The following ADGRG5 variants were observed in gnomAD, a reference collection of about 807,000 sequenced individuals.
ADGRG5 encodes the protein adhesion G protein-coupled receptor G5.
Under a neutral mutation model 53.2 loss-of-function variants are expected in ADGRG5, and 37 were observed. The ratio of observed to expected loss-of-function variants is 0.70; its 90% CI spans 0.53 to 0.91. ADGRG5 has a LOEUF of 0.91. Among genes scored for constraint, ADGRG5 ranks in the 40% least tolerant of loss-of-function variants. ADGRG5 has a pLI of 0.00. For missense variants in ADGRG5, 614 were observed against 675.8 expected, an observed-to-expected ratio of 0.91 and a Z score of 1.01; for synonymous variants, 277 against 290.4, an observed-to-expected ratio of 0.95 and a Z score of 0.47.
intron 1 of ADGRG5, among the ~76,000 whole-genome samples, chr16:57,547,059 T>C (rs1283059144): frequency 1.3e-5 from 2 of 152,192 alleles, no homozygotes; most frequent in East Asian, 1.9e-4. Flanking sequence ...TTTTCAAGAA[T>C]GGGATTAGGT....
chr16:57,558,393 G>A (rs1363974713), intron 1 of ADGRG5, among the ~76,000 whole-genome samples: 1 of 152,216 alleles, frequency 6.6e-6, no homozygotes, highest in East Asian at 1.9e-4. Flanking sequence ...AATTTTCCCA[G>A]TGTCCCCACT....
At chr16:57,536,170 G>T in the ADGRG5 span, among the ~76,000 whole-genome samples, 1 of 152,114 alleles carries the variant, frequency 6.6e-6, no homozygotes, top group Non-Finnish European at 1.5e-5. Flanking sequence ...GACCACGTTG[G>T]GTCCCCCGGG....
At chr16:57,564,187 C>T (rs1205176789) in intron 5 of ADGRG5, among the ~76,000 whole-genome samples, 1 of 152,202 alleles carries the variant, frequency 6.6e-6, no homozygotes, top group East Asian at 1.9e-4. Context: ...TAATTACAAT[C>T]TGCAAATAAG....
In ADGRG5 at chr16:57,574,327, T is replaced by C. The variant is rs529920621; in HGVS notation, c.1209-488T>C. 2.6e-5 allele frequency among the ~76,000 whole-genome samples: 4 copies of C among 152,256 alleles called. No individual in the cohort carries two copies. The highest frequency in any genetic ancestry group is 1.9e-4 in the East Asian group (1 of 5,166). On this transcript the variant is annotated intron_variant, in intron 10 of 11. Coordinates refer to ENST00000349457, the MANE Select transcript of ADGRG5 (RefSeq NM_001304376.3). This position sits in a 1 kb window ranked among gnomAD's most constrained non-coding sequence, Gnocchi z 4.4. ...CCCGCCCACTCTCCAGCGCAGGCCT[T>C]GGTGGCCCCGTCTAGGTGGGGAGTG...
rs761981384 is a variant in ADGRG5 at position 57,574,874 on chromosome 16, C to T, written c.1268C>T (p.Thr423Met). The T allele has an allele frequency of 1.9e-5, 31 of 1,611,394 alleles. No individual in the cohort carries two copies. Among genetic ancestry groups the T allele is most frequent in the Non-Finnish European group, 2.5e-5 (29 of 1,179,306 alleles). The change falls in exon 11 of 12, where the codon ACG (threonine) becomes ATG (methionine). Residue 423 changes from threonine (T) to methionine (M), a missense_variant. Coordinates refer to ENST00000349457, the MANE Select transcript of ADGRG5 (RefSeq NM_001304376.3). This position sits in a 1 kb window ranked among gnomAD's most constrained non-coding sequence, Gnocchi z 4.4. ...CTGGTCATGGGCTACGGCGGCCTCA[C>T]GTCCCTCTTCAACCTGGTGGTGCTG... ...SVLVMGYGGLTSLFNLVVLAW... is the reference protein window; with the variant it reads ...SVLVMGYGGLMSLFNLVVLAW...
Position 57,564,620 on chromosome 16 carries a change from G to T in ADGRG5, c.430-414G>T, listed in dbSNP as rs2146802241. Reference sequence around the variant, plus strand: ...CCTGGCCTGATCTTAGAGATTTAATGTCAGCAGAAGGTTGATTATAGCCAT... The same window carrying T: ...CCTGGCCTGATCTTAGAGATTTAATTTCAGCAGAAGGTTGATTATAGCCAT... On this transcript the variant is annotated intron_variant, in intron 5 of 11. Transcript: ENST00000349457. Among the ~76,000 whole-genome samples, 4 of 152,300 alleles carry T rather than the reference G, an allele frequency of 2.6e-5. No individual in the cohort carries two copies. The Middle Eastern group carries it at 0.01, about 389-fold the overall frequency.
At chr16:57,575,395 G>A in intron 11 of ADGRG5, 43 bp from the exon 12 acceptor site, 1 of 1,577,072 alleles carries the variant, frequency 6.3e-7, no homozygotes, top group Non-Finnish European at 8.7e-7. Flanking sequence ...GGCCTTTGGG[G>A]AAGCCCATGC....
intron 1 of ADGRG5, among the ~76,000 whole-genome samples, chr16:57,557,754 A>G (rs946068561): frequency 1.3e-5 from 2 of 152,216 alleles, no homozygotes; most frequent in Non-Finnish European, 2.9e-5. Context: ...CAGTTTGCTA[A>G]TAAACCCATT....
intron 1 of ADGRG5, among the ~76,000 whole-genome samples, chr16:57,544,350 G>C (rs1405613805): frequency 6.6e-6 from 1 of 152,146 alleles, no homozygotes; most frequent in Non-Finnish European, 1.5e-5. Context: ...CTCAGCGTGT[G>C]GGGGGATGGT....
intron 7 of ADGRG5, among the ~76,000 whole-genome samples, 197 bp downstream of exon 7, chr16:57,566,948 T>C (rs1209122985): frequency 6.6e-6 from 1 of 152,216 alleles, no homozygotes; most frequent in East Asian, 1.9e-4. Context: ...CACGGGCTGA[T>C]CACTAAGATC....
At chr16:57,570,017 A>ACTCCACCTCCAT (rs1283913897) in intron 9 of ADGRG5, among the ~76,000 whole-genome samples, 3 of 77,998 alleles carry the variant, frequency 3.8e-5, no homozygotes, top group Non-Finnish European at 7.5e-5. Flanking sequence ...ATCACCACCT[A>ACTCCACCTCCAT]CTCCACCTCC....
rs1375771563 is a variant in ADGRG5 at position 57,574,403 on chromosome 16, A to G, written c.1209-412A>G. On this transcript the variant is annotated intron_variant, in intron 10 of 11. Coordinates refer to ENST00000349457, the MANE Select transcript of ADGRG5 (RefSeq NM_001304376.3). The surrounding 1 kb of genome is among the most constrained non-coding windows in gnomAD (Gnocchi z 4.4). ...CAGAGATGGTGATGAGGTGGTGACA[A>G]CCATGTAGTGGGGTGGAAGGGGAAG... Among the ~76,000 whole-genome samples, 1 of 152,240 alleles carries G rather than the reference A, an allele frequency of 6.6e-6. No individual in the cohort carries two copies.
chr16:57,562,193 C>T, intron 2 of ADGRG5, 36 bp downstream of exon 2: 1 of 1,565,394 alleles, frequency 6.4e-7, no homozygotes. Flanking sequence ...GCAGCCCTAG[C>T]CCAGTCGTGG....
the ADGRG5 span, chr16:57,529,168 C>G: frequency 8.5e-7 from 1 of 1,183,416 alleles, no homozygotes; most frequent in Non-Finnish European, 1.0e-6. This position sits in a 1 kb window ranked among gnomAD's most constrained non-coding sequence, Gnocchi z 4.1. Context: ...GGGCTGGGCC[C>G]GTGGCTCATG....
intron 10 of ADGRG5, among the ~76,000 whole-genome samples, chr16:57,571,397 G>C (rs901003503): frequency 6.6e-5 from 10 of 152,120 alleles, no homozygotes; most frequent in Middle Eastern, 6.8e-3. Context: ...CTTGGTCTCC[G>C]GCAGGCTGGT....
chr16:57,548,620 C>G (rs2146758831), intron 1 of ADGRG5, among the ~76,000 whole-genome samples: 1 of 152,200 alleles, frequency 6.6e-6, no homozygotes, highest in African/African-American at 2.4e-5. Context: ...CCCTCCCTAA[C>G]CCTTTGCAAC....
chr16:57,563,787 G>C, intron 4 of ADGRG5, 61 bp from the exon 5 acceptor site: 2 of 1,606,240 alleles, frequency 1.2e-6, no homozygotes, highest in Non-Finnish European at 1.7e-6. Context: ...AGGCAGTGAA[G>C]GTGTTGGGGT....
At chr16:57,571,188 C>A (rs139761603) in intron 10 of ADGRG5, among the ~76,000 whole-genome samples, 27 of 152,324 alleles carry the variant, frequency 1.8e-4, no homozygotes, top group Admixed American at 1.2e-3. Context: ...GGCTGTGGAA[C>A]CTTTTTCCTT....
chr16:57,550,804 C>G (rs1048197988), intron 1 of ADGRG5, among the ~76,000 whole-genome samples: 1 of 151,996 alleles, frequency 6.6e-6, no homozygotes, highest in African/African-American at 2.4e-5. Flanking sequence ...CCGAGGCGGG[C>G]GGATCATGAG....
Sources: allele counts gnomAD v4.1 joint callset (sites outside exome capture counted in the v4.1 genomes callset), GRCh38; gene constraint gnomAD v4.1.1; non-coding constraint Gnocchi (gnomAD v3.1); transcripts MANE v1.5; gene names NCBI Gene and HGNC (gene_info 2026-07-23, HGNC 2026-07-21).